The following BSPH1 variants were observed in gnomAD, a reference collection of about 807,000 sequenced individuals.
BSPH1 encodes binder of sperm 1.
A neutral mutation model predicts 22.5 loss-of-function variants in BSPH1; 21 were observed. That is an observed-to-expected ratio of 0.93 (90% confidence interval 0.66 to 1.35). The LOEUF is 1.35. BSPH1 is among the 40% of genes most tolerant of loss of function. The pLI, the probability that BSPH1 is intolerant of heterozygous loss-of-function variation, is 0.00. For missense variants in BSPH1, 141 were observed against 154.2 expected (o/e 0.91, Z 0.45); for synonymous variants, 42 against 53.6 (o/e 0.78, Z 0.95).
At position 47,992,015 on chromosome 19, in the gene BSPH1, T is replaced by C; in HGVS notation, c.67A>G (p.Ile23Val). Residue 23 changes from isoleucine (I) to valine (V), a missense_variant, in exon 1 of 6, where the codon ATT (isoleucine) becomes GTT (valine). Physicochemically the swap from Ile to Val is conservative, Grantham distance 29. Transcript: ENST00000344839. ...RNSSACIFPV[I>V]LNELSSTVET... Reference sequence around the variant, plus strand: ...AATATAGAAAAAGAAATACTTAAAATAACAGGGAAGATGCAAGCTGAGGAA... The same window carrying C: ...AATATAGAAAAAGAAATACTTAAAACAACAGGGAAGATGCAAGCTGAGGAA... 1 of 1,545,314 alleles carries C rather than the reference T, an allele frequency of 6.5e-7. No individual in the cohort carries two copies.
chr19:47,972,238 C>T (rs555143598), intron 5 of BSPH1, among the ~76,000 whole-genome samples: 1 of 150,622 alleles, frequency 6.6e-6, no homozygotes, highest in African/African-American at 2.4e-5. Context: ...GGTTGGCAGA[C>T]TGAATGCTTG....
Position 47,992,100 on chromosome 19 carries a change from C to A in BSPH1, c.-19G>T. The A allele has an allele frequency of 1.3e-6, 2 of 1,547,784 alleles. No homozygotes were observed. Among genetic ancestry groups the A allele is most frequent in the Non-Finnish European group, 1.7e-6 (2 of 1,143,722 alleles). On this transcript the variant is annotated 5_prime_UTR_variant, in exon 1 of 6. Coordinates refer to ENST00000344839, the MANE Select transcript of BSPH1 (RefSeq NM_001128326.2). ...AGCCCATGGGCAGTCACAGGCTTCC[C>A]GGTATCTCAGATCTTCCTGGTCTTT...
intron 1 of BSPH1, among the ~76,000 whole-genome samples, chr19:47,991,299 T>C (rs1386371383): frequency 6.6e-6 from 1 of 152,112 alleles, no homozygotes; most frequent in Admixed American, 6.5e-5. Flanking sequence ...GTCGACCAGC[T>C]GATGTCCAAG....
Position 47,976,818 on chromosome 19 carries a change from C to T in BSPH1, c.293G>A (p.Arg98His), listed in dbSNP as rs778637952. The T allele has an allele frequency of 9.0e-6, 14 of 1,551,648 alleles. No individual in the cohort carries two copies. The South Asian group carries it at 9.5e-5, about 11-fold the overall frequency. The change falls in exon 5 of 6, where the codon CGC (arginine) becomes CAC (histidine). Residue 98 changes from arginine to histidine, a missense_variant. By Grantham distance (29) the Arg-to-His change is conservative. Coordinates refer to ENST00000344839, the MANE Select transcript of BSPH1 (RefSeq NM_001128326.2). ...ANCVFPFWYR[R>H]LIYWECTDDG... ...ATCAGTACACTCCCAGTAGATCAAG[C>T]GTCTGTACCAGAAGGGAAATACACA...
chr19:47,975,883 C>T (rs1463111667), intron 5 of BSPH1, among the ~76,000 whole-genome samples: 1 of 151,764 alleles, frequency 6.6e-6, no homozygotes, highest in Non-Finnish European at 1.5e-5. Context: ...TCTCGATCTC[C>T]TGACCTCGTG....
chr19:47,978,146 A>G (rs1969385957), intron 3 of BSPH1, among the ~76,000 whole-genome samples: 1 of 151,730 alleles, frequency 6.6e-6, no homozygotes, highest in Non-Finnish European at 1.5e-5. Flanking sequence ...ATCTTCTTAA[A>G]GTGATTGTGT....
chr19:47,990,784 C>T (rs533485731), intron 1 of BSPH1, among the ~76,000 whole-genome samples: 8 of 152,146 alleles, frequency 5.3e-5, no homozygotes, highest in Non-Finnish European at 1.0e-4. Flanking sequence ...TTTTCTATTT[C>T]GCTTCATAAT....
chr19:47,992,152 G>C lies in BSPH1; in HGVS notation c.-71C>G. 1 of 1,280,354 alleles carries C rather than the reference G, an allele frequency of 7.8e-7. No individual in the cohort carries two copies. Among genetic ancestry groups the C allele is most frequent in the South Asian group, 1.3e-5 (1 of 77,852 alleles). 79.3% of individuals were successfully genotyped at this position (1,280,354 alleles called of 1,614,324 possible). On this transcript the variant is annotated 5_prime_UTR_variant, in exon 1 of 6. Transcript: ENST00000344839. ...TCAGCCAGGGCTCAAGAATCCCCTG[G>C]AGAGGCCCAGGGAGGCTTCTTGGAA... is the stretch of plus-strand genomic sequence containing the variant.
chr19:47,983,241 G>T (rs534509840), intron 1 of BSPH1, among the ~76,000 whole-genome samples: 1 of 152,246 alleles, frequency 6.6e-6, no homozygotes, highest in South Asian at 2.1e-4. Context: ...GGTAGACTCT[G>T]GACTACAGAA....
At chr19:47,975,842 A>G (rs926940804) in intron 5 of BSPH1, among the ~76,000 whole-genome samples, 4 of 151,906 alleles carry the variant, frequency 2.6e-5, no homozygotes, top group Non-Finnish European at 4.4e-5. Flanking sequence ...TTTTTAGAAG[A>G]GACGGGGTTT....
At chr19:47,981,217 C>T (rs914723765) in intron 1 of BSPH1, among the ~76,000 whole-genome samples, 2 of 151,498 alleles carry the variant, frequency 1.3e-5, no homozygotes. Flanking sequence ...ACTTTTCTCA[C>T]ATTTTTCTAT....
At chr19:47,988,011 A>G (rs909161666) in intron 1 of BSPH1, among the ~76,000 whole-genome samples, 1 of 152,122 alleles carries the variant, frequency 6.6e-6, no homozygotes, top group African/African-American at 2.4e-5. Context: ...CAAATAAAAT[A>G]AAATAAAAAT....
At chr19:47,986,743 T>TAAAAA (rs3083228) in intron 1 of BSPH1, among the ~76,000 whole-genome samples, 65 of 127,388 alleles carry the variant, frequency 5.1e-4, no homozygotes, top group Admixed American at 1.7e-3. Flanking sequence ...AGACCCTATC[T>TAAAAA]AAAAATAAAA....
chr19:47,978,600 T>A (rs1386971422), intron 3 of BSPH1, among the ~76,000 whole-genome samples: 2 of 152,260 alleles, frequency 1.3e-5, no homozygotes, highest in African/African-American at 4.8e-5. Flanking sequence ...GTATATACAA[T>A]TTTAACATTG....
At chr19:47,984,602 A>G (rs986865838) in intron 1 of BSPH1, among the ~76,000 whole-genome samples, 7 of 152,180 alleles carry the variant, frequency 4.6e-5, no homozygotes, top group East Asian at 3.8e-4. Flanking sequence ...TTTTAGCAAC[A>G]TGGATGCAGC....
chr19:47,972,676 A>G (rs1005052816), intron 5 of BSPH1, among the ~76,000 whole-genome samples: 1 of 152,160 alleles, frequency 6.6e-6, no homozygotes, highest in Non-Finnish European at 1.5e-5. Context: ...ATTCTTCACA[A>G]TGGTTACCTC....
intron 3 of BSPH1, among the ~76,000 whole-genome samples, chr19:47,978,001 G>GATATATATATATATATATATATAT (rs10609973): frequency 1.8e-5 from 2 of 110,442 alleles, no homozygotes; most frequent in South Asian, 3.3e-4. Flanking sequence ...GTTAATACAG[G>GATATATATATATATATATATATAT]ATATATATAT....
In BSPH1 at chr19:47,980,927, TTGA is replaced by T. The variant is rs1482862246; in HGVS notation, c.85_87del (p.Ser29del). On this transcript the variant is annotated inframe_deletion, in exon 2 of 6. Transcript: ENST00000344839. ...AGTTTTTTGATCAACTCACCCACAG[TTGA>T]TGATAATTCATCTGAAAAACACAAT... is the stretch of plus-strand genomic sequence containing the variant. 2.7e-6 allele frequency: 4 copies of T among 1,457,506 alleles called. No homozygotes were observed. The highest frequency in any genetic ancestry group is 2.8e-6 in the Non-Finnish European group (3 of 1,089,092). The allele number at this position is 1,457,506 out of a possible 1,614,324, so 90.3% of individuals were successfully genotyped here.
At position 47,976,423 on chromosome 19, in the gene BSPH1, C is replaced by T. The variant is rs77565411; in HGVS notation, c.*2+287G>A. Among the ~76,000 whole-genome samples the T allele has an allele frequency of 5.0e-3, 766 of 152,178 alleles. 4 individuals carry two copies. The highest frequency in any genetic ancestry group is 0.016 in the African/African-American group (681 of 41,500). On this transcript the variant is annotated intron_variant, in intron 5 of 5. Transcript: ENST00000344839. ...CTGGGATTATGGGCATAAGCCACCA[C>T]GCCTACCCCATAGACTTAATTTTTA...
Sources: gnomAD v4.1 joint callset for allele counts (sites outside exome capture counted in the v4.1 genomes callset) on GRCh38, gnomAD v4.1.1 for gene constraint, MANE v1.5 for transcripts, NCBI Gene and HGNC (gene_info 2026-07-23, HGNC 2026-07-21) for gene names.